PIK3R6: variants seen among roughly 807,000 people sequenced by gnomAD.
PIK3R6 encodes the protein phosphoinositide 3-kinase regulatory subunit 6.
Under a neutral mutation model 84.9 loss-of-function variants are expected in PIK3R6, and 91 were observed. The observed-to-expected ratio is 1.07, with a 90% CI of 0.90 to 1.28. PIK3R6 has a LOEUF of 1.28. Among genes scored for constraint, PIK3R6 ranks in the 50% most tolerant of loss-of-function variants. PIK3R6 has a pLI of 0.00. For synonymous variants in PIK3R6, 416 were observed against 411.4 expected (o/e 1.01, Z -0.13); for missense variants, 996 against 985.1 (o/e 1.01, Z -0.15).
Position 8,819,475 on chromosome 17 carries a change from C to T in PIK3R6, c.1880-277G>A, listed in dbSNP as rs73973227. Among the ~76,000 whole-genome samples the T allele has an allele frequency of 6.2e-3, 935 of 151,896 alleles. 11 individuals carry two copies. Among genetic ancestry groups the T allele is most frequent in the African/African-American group, 0.022 (890 of 41,392 alleles). ...CGCCCTACCCTTTCATTATCTCCTC[C>T]TGCAACCCTTTTTAAAAGGAATAAA... On this transcript the variant is annotated intron_variant, in intron 17 of 19. Coordinates refer to ENST00000619866, the MANE Select transcript of PIK3R6 (RefSeq NM_001010855.4).
At chr17:8,815,594 C>T (rs2087508154) in intron 18 of PIK3R6, among the ~76,000 whole-genome samples, 1 of 151,924 alleles carries the variant, frequency 6.6e-6, no homozygotes, top group Non-Finnish European at 1.5e-5. Flanking sequence ...AAGTCAGATG[C>T]TTTGGCCGTC....
At chr17:8,823,125 T>C (rs2087796707) in intron 14 of PIK3R6, 39 bp from the exon 15 acceptor site, 1 of 1,457,454 alleles carries the variant, frequency 6.9e-7, no homozygotes, top group South Asian at 1.1e-5. Flanking sequence ...CCTGGTGTGA[T>C]TTCCAAATCA....
In PIK3R6 at chr17:8,835,304, C is replaced by T; in HGVS notation, c.614G>A (p.Cys205Tyr). The change falls in exon 8 of 20, where the codon TGT (cysteine) becomes TAT (tyrosine). Residue 205 changes from cysteine to tyrosine, a missense_variant. Physicochemically the swap from Cys to Tyr is radical, Grantham distance 194. Coordinates refer to ENST00000619866, the MANE Select transcript of PIK3R6 (RefSeq NM_001010855.4). Reference sequence around the variant, plus strand: ...CTTCCTGTGCAGAGCGCCTGCGTGACAGGCCTCCCCCAGAGCCGCCTGCAG... The same window carrying T: ...CTTCCTGTGCAGAGCGCCTGCGTGATAGGCCTCCCCCAGAGCCGCCTGCAG... The part of the protein sequence containing the change: ...HALQAALGEA[C>Y]HAGALHRKLQ... 2.5e-6 allele frequency: 4 copies of T among 1,589,080 alleles called. No individual in the cohort carries two copies. Among genetic ancestry groups the T allele is most frequent in the South Asian group, 2.2e-5 (2 of 88,914 alleles).
In PIK3R6 at chr17:8,847,751, C is replaced by A. The variant is rs566366472; in HGVS notation, c.13+2031G>T. 9.2e-5 allele frequency among the ~76,000 whole-genome samples: 14 copies of A among 151,422 alleles called. No individual in the cohort carries two copies. In the South Asian group the frequency reaches 2.9e-3, roughly 32 times the overall value. On this transcript the variant is annotated intron_variant, in intron 2 of 19. Transcript: ENST00000619866. ...CTGGGAGGTGGAAGTTGCAGTCAGC[C>A]GAGATGGTGTCATTGCACTCCAGCC... is the stretch of plus-strand genomic sequence containing the variant.
At chr17:8,853,169 A>G (rs1346755390) in intron 1 of PIK3R6, among the ~76,000 whole-genome samples, 1 of 147,340 alleles carries the variant, frequency 6.8e-6, no homozygotes, top group Non-Finnish European at 1.5e-5. Flanking sequence ...TACCATTTAC[A>G]ATAGCTCCAA....
chr17:8,804,646 G>A (rs149909971), intron 18 of PIK3R6, among the ~76,000 whole-genome samples: 69 of 152,234 alleles, frequency 4.5e-4, no homozygotes, highest in African/African-American at 1.3e-3. Flanking sequence ...AGACCAAGCC[G>A]AAGGAAAGCA....
chr17:8,813,996 C>T (rs1345518009), intron 18 of PIK3R6, among the ~76,000 whole-genome samples: 2 of 152,130 alleles, frequency 1.3e-5, no homozygotes, highest in Non-Finnish European at 2.9e-5. Context: ...GCATAATAAG[C>T]AGGCTTACCC....
At position 8,839,174 on chromosome 17, in the gene PIK3R6, T is replaced by A. The variant is rs2088591131; in HGVS notation, c.97+440A>T. Among the ~76,000 whole-genome samples the A allele has an allele frequency of 6.6e-6, 1 of 151,928 alleles. No homozygotes were observed. Among genetic ancestry groups the A allele is most frequent in the African/African-American group, 2.4e-5 (1 of 41,364 alleles). ...ACCAACCTGGCCAACATGGTGAAACTGCATCTCTACGAAAAATACAAAAAT... is the reference window on the plus strand; with the variant it reads ...ACCAACCTGGCCAACATGGTGAAACAGCATCTCTACGAAAAATACAAAAAT... On this transcript the variant is annotated intron_variant, in intron 3 of 19. Transcript: ENST00000619866. The surrounding 1 kb of genome is among the most constrained non-coding windows in gnomAD (Gnocchi z 4.2).
At chr17:8,859,825 C>G (rs1345409637) in intron 1 of PIK3R6, among the ~76,000 whole-genome samples, 2 of 152,174 alleles carry the variant, frequency 1.3e-5, no homozygotes, top group East Asian at 1.9e-4. Context: ...TCCTGGGCCT[C>G]TAGTTTACAG....
chr17:8,836,076 A>G (rs967021327), intron 7 of PIK3R6, among the ~76,000 whole-genome samples: 4 of 152,110 alleles, frequency 2.6e-5, no homozygotes, highest in Non-Finnish European at 5.9e-5. Context: ...CCCCAACACG[A>G]GCAGGGGACA....
At chr17:8,852,893 T>G (rs1260459455) in intron 1 of PIK3R6, among the ~76,000 whole-genome samples, 2 of 152,136 alleles carry the variant, frequency 1.3e-5, no homozygotes, top group African/African-American at 4.8e-5. Flanking sequence ...CTGGACAATA[T>G]TTATCAAAAT....
At chr17:8,852,601 T>TG (rs1367528698) in intron 1 of PIK3R6, among the ~76,000 whole-genome samples, 1 of 151,976 alleles carries the variant, frequency 6.6e-6, no homozygotes, top group Non-Finnish European at 1.5e-5. Context: ...TAGCCAGGTG[T>TG]GGTGGCGTGT....
chr17:8,852,847 G>T (rs1365395439), intron 1 of PIK3R6, among the ~76,000 whole-genome samples: 2 of 152,168 alleles, frequency 1.3e-5, no homozygotes, highest in Non-Finnish European at 2.9e-5. Context: ...CATAGTTGGT[G>T]AGAAGAGAAA....
chr17:8,806,188 G>A (rs534869249), intron 18 of PIK3R6, among the ~76,000 whole-genome samples: 1 of 152,366 alleles, frequency 6.6e-6, no homozygotes, highest in East Asian at 1.9e-4. Context: ...GAATGGAATT[G>A]CACCTGAACT....
Position 8,825,085 on chromosome 17 carries a change from A to G in PIK3R6, c.1516-1588T>C, listed in dbSNP as rs559417059. On this transcript the variant is annotated intron_variant, in intron 13 of 19. Coordinates refer to ENST00000619866, the MANE Select transcript of PIK3R6 (RefSeq NM_001010855.4). ...CCAAATATAATGGCATAAAGATACCATTCGCAATAGTAAGAAACACTATCA... is the reference window on the plus strand; with the variant it reads ...CCAAATATAATGGCATAAAGATACCGTTCGCAATAGTAAGAAACACTATCA... Among the ~76,000 whole-genome samples, 5 of 152,366 alleles carry G rather than the reference A, an allele frequency of 3.3e-5. No homozygotes were observed. In the East Asian group the frequency reaches 9.6e-4, roughly 29 times the overall value.
chr17:8,838,247 G>A, intron 4 of PIK3R6: 1 of 434,848 alleles, frequency 2.3e-6, no homozygotes, highest in South Asian at 2.7e-5. Context: ...GGTGGCCCGA[G>A]GATAATTTTG....
chr17:8,809,564 G>T (rs2087295219), intron 18 of PIK3R6, among the ~76,000 whole-genome samples: 1 of 152,294 alleles, frequency 6.6e-6, no homozygotes, highest in East Asian at 1.9e-4. Context: ...AGGCATTAAA[G>T]TAGGAGGATC....
intron 2 of PIK3R6, among the ~76,000 whole-genome samples, chr17:8,847,645 A>C (rs536904845): frequency 6.6e-6 from 1 of 152,136 alleles, no homozygotes. Flanking sequence ...TACTAAAAAT[A>C]CAAAAAAAAT....
chr17:8,807,518 G>C (rs781721639), intron 18 of PIK3R6, among the ~76,000 whole-genome samples: 1 of 152,126 alleles, frequency 6.6e-6, no homozygotes, highest in Admixed American at 6.5e-5. Flanking sequence ...GAAGGAAGGG[G>C]GAAAAGCATT....
Sources: allele counts gnomAD v4.1 joint callset (sites outside exome capture counted in the v4.1 genomes callset), GRCh38; gene constraint gnomAD v4.1.1; non-coding constraint Gnocchi (gnomAD v3.1); transcripts MANE v1.5; gene names NCBI Gene and HGNC (gene_info 2026-07-23, HGNC 2026-07-21).